PADI4: variants seen among roughly 807,000 people sequenced by gnomAD.
PADI4 encodes the protein peptidyl arginine deiminase 4.
In PADI4, 62 loss-of-function variants were observed where a neutral mutation model predicts 75.0. The ratio of observed to expected loss-of-function variants is 0.83; its 90% CI spans 0.67 to 1.02. PADI4 has a LOEUF of 1.02. Ranked by LOEUF, PADI4 falls within the 50% of genes least tolerant of loss-of-function variation. The probability of loss-of-function intolerance (pLI) is 0.00; values close to 1 mark genes in which losing one functional copy is unlikely to be tolerated. For missense variants in PADI4, 845 were observed against 850.5 expected (o/e 0.99, Z 0.08); for synonymous variants, 361 against 348.1 (o/e 1.04, Z -0.41).
At chr1:17,336,262 C>T (rs375207991) in intron 4 of PADI4, 36 bp downstream of exon 4, 2 of 1,544,950 alleles carry the variant, frequency 1.3e-6, no homozygotes, top group Non-Finnish European at 1.8e-6. Context: ...CCTACTTCTA[C>T]TGGATTCTCC....
rs1038723593 is a variant in PADI4, at chr1:17,331,227, C to T, written c.273+78C>T. The T allele has an allele frequency of 1.2e-5, 15 of 1,238,480 alleles. 1 individual carries two copies. Among genetic ancestry groups the T allele is most frequent in the Non-Finnish European group, 1.6e-5 (14 of 876,780 alleles). 76.7% of individuals were successfully genotyped at this position (1,238,480 alleles called of 1,614,324 possible). A position where few individuals can be genotyped will look rare whatever the true frequency, so the allele number is the denominator to read the frequency against. On this transcript the variant is annotated intron_variant, in intron 2 of 15. Coordinates refer to ENST00000375448, the MANE Select transcript of PADI4 (RefSeq NM_012387.3). ...CACACACACTCTGTCCTGCCGTGATCCACAGCACCAGCCTGGCAGAGCCTC... is the reference window on the plus strand; with the variant it reads ...CACACACACTCTGTCCTGCCGTGATTCACAGCACCAGCCTGGCAGAGCCTC...
intron 10 of PADI4, among the ~76,000 whole-genome samples, chr1:17,349,705 A>C (rs1269085124): frequency 2.6e-4 from 2 of 7,692 alleles, no homozygotes; most frequent in African/African-American, 4.4e-4. Flanking sequence ...ACTGTATCAA[A>C]AAAAAAAAAA....
chr1:17,345,874 G>A lies in PADI4; in HGVS notation c.936-154G>A, dbSNP rs138227889. Among the ~76,000 whole-genome samples the A allele has an allele frequency of 9.8e-4, 149 of 152,304 alleles. 1 individual carries two copies. Among genetic ancestry groups the A allele is most frequent in the Admixed American group, 2.9e-3 (44 of 15,296 alleles). On this transcript the variant is annotated intron_variant, in intron 8 of 15. Transcript: ENST00000375448. ...ATAACTTGTTAGATGGATTCCATGA[G>A]CTAATGCCTGCTAAGAGCAGATGGA... is the stretch of plus-strand genomic sequence containing the variant.
chr1:17,343,483 C>A (rs546848207), intron 8 of PADI4, among the ~76,000 whole-genome samples: 3 of 152,230 alleles, frequency 2.0e-5, no homozygotes, highest in African/African-American at 7.2e-5. Context: ...GTATTCCGGT[C>A]CCAGCACTGT....
Position 17,354,467 on chromosome 1 carries a change from G to A in PADI4, c.1156-66G>A. ...GTGCCCAAGTTCATCTCTAAACTTG[G>A]ACCCCCCGACCCTTCACCAGGGACC... On this transcript the variant is annotated intron_variant, in intron 10 of 15. Transcript: ENST00000375448. 4 of 1,453,912 alleles carry A rather than the reference G, an allele frequency of 2.8e-6. No homozygotes were observed. In the South Asian group the frequency reaches 4.6e-5, roughly 17 times the overall value. 90.1% of individuals were successfully genotyped at this position (1,453,912 alleles called of 1,614,324 possible). A position where few individuals can be genotyped will look rare whatever the true frequency, so the allele number is the denominator to read the frequency against.
intron 1 of PADI4, among the ~76,000 whole-genome samples, chr1:17,322,906 C>A (rs945473699): frequency 6.6e-6 from 1 of 152,012 alleles, no homozygotes; most frequent in Non-Finnish European, 1.5e-5. Context: ...TACTGTGTAA[C>A]AAATTGTCCC....
rs778717447 is a variant in PADI4 at position 17,339,807 on chromosome 1, G to T, written c.646G>T (p.Ala216Ser). The change falls in exon 6 of 16, where the codon GCC becomes TCC. Residue 216 changes from alanine to serine, a missense_variant. Physicochemically the swap from Ala to Ser is moderately conservative, Grantham distance 99. Transcript: ENST00000375448. Reference protein sequence around the residue: ...SEMDKVRVFQATRGKLSSKCS... With the variant: ...SEMDKVRVFQSTRGKLSSKCS... ...GATGGACAAAGTGAGGGTGTTTCAG[G>T]CCACACGTAAGTCATCCCCATCTTT... 1.2e-6 allele frequency: 2 copies of T among 1,603,998 alleles called. No individual in the cohort carries two copies. Among genetic ancestry groups the T allele is most frequent in the Non-Finnish European group, 8.5e-7 (1 of 1,175,002 alleles).
chr1:17,357,759 C>T (rs756193005), intron 13 of PADI4, among the ~76,000 whole-genome samples: 10 of 151,170 alleles, frequency 6.6e-5, no homozygotes, highest in East Asian at 2.0e-4. Context: ...GGTGAAACCC[C>T]GTCTCTACTA....
intron 5 of PADI4, among the ~76,000 whole-genome samples, chr1:17,338,639 G>A (rs1635582): frequency 0.64 from 96,943 of 152,040 alleles, 31,124 homozygotes; most frequent in Non-Finnish European, 0.67. Flanking sequence ...TTTGCCCAAG[G>A]TCACAGCACT....
chr1:17,338,156 G>A lies in PADI4; in HGVS notation c.526+1G>A. ...GATGATGAAGTGCTTGACAGCGAAGGTAAAGAGCATTTGCTAGCTAACGGG... is the reference window on the plus strand; with the variant it reads ...GATGATGAAGTGCTTGACAGCGAAGATAAAGAGCATTTGCTAGCTAACGGG... On this transcript the variant is annotated splice_donor_variant, in intron 5 of 15. Transcript: ENST00000375448. LOFTEE classifies it high-confidence loss of function. The A allele has an allele frequency of 6.3e-7, 1 of 1,592,294 alleles. No individual in the cohort carries two copies. The highest frequency in any genetic ancestry group is 8.6e-7 in the Non-Finnish European group (1 of 1,160,550).
At chr1:17,351,992 A>C (rs371981927) in intron 10 of PADI4, among the ~76,000 whole-genome samples, 4,657 of 27,248 alleles carry the variant, frequency 0.17, 1,055 homozygotes, top group African/African-American at 0.47. Flanking sequence ...GAGGAGAGGC[A>C]GTCAGGGAGG....
At position 17,356,193 on chromosome 1, in the gene PADI4, G is replaced by A; in HGVS notation, c.1455+66G>A. On this transcript the variant is annotated intron_variant, in intron 12 of 15. Transcript: ENST00000375448. The surrounding 1 kb of genome is among the most constrained non-coding windows in gnomAD (Gnocchi z 4.1). ...CCTGGGTAGACCCTCTGCCTGGGGT[G>A]GGAGCAACTTTACTTGTCTATTTCT... is the stretch of plus-strand genomic sequence containing the variant. 4 of 1,544,930 alleles carry A rather than the reference G, an allele frequency of 2.6e-6. No individual in the cohort carries two copies. The African/African-American group carries it at 4.1e-5, about 16-fold the overall frequency.
At chr1:17,355,916 C>T in intron 11 of PADI4, 67 bp from the exon 12 acceptor site, 1 of 1,587,108 alleles carries the variant, frequency 6.3e-7, no homozygotes, top group Admixed American at 1.7e-5. Flanking sequence ...TGCCAAGCCC[C>T]TTGTCCTTCA....
rs369334315 is a variant in PADI4 at position 17,348,083 on chromosome 1, C to T, written c.1155+35C>T. ...TGGGGTGGGGAGGGGGCACAGCTGC[C>T]GAAACCCTCTTGTCTTGAGACTCCC... On this transcript the variant is annotated intron_variant, in intron 10 of 15. Transcript: ENST00000375448. The T allele has an allele frequency of 3.1e-5, 41 of 1,339,726 alleles. No homozygotes were observed. In the East Asian group the frequency reaches 3.2e-4, roughly 11 times the overall value. 83.0% of individuals were successfully genotyped at this position (1,339,726 alleles called of 1,614,324 possible).
intron 1 of PADI4, among the ~76,000 whole-genome samples, chr1:17,314,453 A>G: frequency 6.6e-6 from 1 of 152,354 alleles, no homozygotes; most frequent in East Asian, 1.9e-4. Context: ...GAAATGCACC[A>G]GAGCCACTGG....
At chr1:17,310,586 G>C (rs2073805202) in intron 1 of PADI4, among the ~76,000 whole-genome samples, 1 of 151,976 alleles carries the variant, frequency 6.6e-6, no homozygotes, top group Admixed American at 6.6e-5. Context: ...GATTGGGCTA[G>C]TGCACTCCAG....
At chr1:17,332,629 G>T in intron 2 of PADI4, among the ~76,000 whole-genome samples, 2 of 152,224 alleles carry the variant, frequency 1.3e-5, no homozygotes, top group East Asian at 3.9e-4. Context: ...TTAGGATATG[G>T]ATGTATCTTT....
At chr1:17,330,482 T>C (rs1398608008) in intron 1 of PADI4, among the ~76,000 whole-genome samples, 1 of 152,114 alleles carries the variant, frequency 6.6e-6, no homozygotes, top group Non-Finnish European at 1.5e-5. Flanking sequence ...CAGTCTGAAT[T>C]TGAAAGCCTC....
intron 13 of PADI4, among the ~76,000 whole-genome samples, chr1:17,357,574 C>T (rs943794159): frequency 1.3e-5 from 2 of 152,192 alleles, no homozygotes; most frequent in Admixed American, 1.3e-4. Flanking sequence ...GTCTGTCCTG[C>T]ATGCAAGTAG....
Sources: allele counts gnomAD v4.1 joint callset (sites outside exome capture counted in the v4.1 genomes callset), GRCh38; gene constraint gnomAD v4.1.1; non-coding constraint Gnocchi (gnomAD v3.1); transcripts MANE v1.5; gene names NCBI Gene and HGNC (gene_info 2026-07-23, HGNC 2026-07-21).